ASAH2B: variants seen among roughly 807,000 people sequenced by gnomAD.
The protein encoded by ASAH2B is N-acylsphingosine amidohydrolase 2B.
A neutral mutation model predicts 2.9 loss-of-function variants in ASAH2B; 1 was observed. That is an observed-to-expected ratio of 0.34 (90% CI 0.12 to 1.63). The LOEUF is 1.63. Among genes scored for constraint, ASAH2B ranks in the 40% most tolerant of loss-of-function variants. The probability of loss-of-function intolerance (pLI) is 0.36; values close to 1 mark genes in which losing one functional copy is unlikely to be tolerated. For missense variants in ASAH2B, 9 were observed against 37.7 expected, an observed-to-expected ratio of 0.24 and a Z score of 1.99; for synonymous variants, 4 against 13.3, an observed-to-expected ratio of 0.30 and a Z score of 1.52.
At position 50,758,023 on chromosome 10, in the gene ASAH2B, C is replaced by A. The variant is rs1837129843; in HGVS notation, c.*3283C>A. 2 of 151,174 alleles carry A rather than the reference C, an allele frequency of 1.3e-5. No individual in the cohort carries two copies. The highest frequency in any genetic ancestry group is 4.9e-5 in the African/African-American group (2 of 41,090). The allele number at this position is 151,174 out of a possible 1,614,324, so 9.4% of individuals were successfully genotyped here. A position where few individuals can be genotyped will look rare whatever the true frequency, so the allele number is the denominator to read the frequency against. On this transcript the variant is annotated 3_prime_UTR_variant, in exon 6 of 6. Coordinates refer to ENST00000647317, the MANE Select transcript of ASAH2B (RefSeq NM_001321958.2). ...GGCAGCAAAATGGGAGGAGAGAGTT[C>A]TCTTTATAATCCCCTTTTAGAAGGT...
chr10:50,747,079 A>G (rs1307776959), intron 3 of ASAH2B, among the ~76,000 whole-genome samples: 44 of 150,168 alleles, frequency 2.9e-4, no homozygotes, highest in Non-Finnish European at 4.4e-4. Flanking sequence ...AACAAACATC[A>G]CCTACACCAA....
chr10:50,743,786 C>G (rs1839868480), intron 2 of ASAH2B: 1 of 150,066 alleles, frequency 6.7e-6, no homozygotes, highest in Admixed American at 6.6e-5. Flanking sequence ...ATAAGCAGCC[C>G]CTTATATAAT....
At chr10:50,744,808 TAGG>T in intron 2 of ASAH2B, 1 of 361,006 alleles carries the variant, frequency 2.8e-6, no homozygotes, top group Non-Finnish European at 5.1e-6. Flanking sequence ...TTTTGCATGT[TAGG>T]CCCCTGTACA....
rs1837099765 is a variant in ASAH2B, at chr10:50,756,713, C to T, written c.*1973C>T. On this transcript the variant is annotated 3_prime_UTR_variant, in exon 6 of 6. Transcript: ENST00000647317. ...AACGCACAGAAACCTATTTTCTCACCAGCTGTCATTTCTTCTAGGGCATGC... is the reference window on the plus strand; with the variant it reads ...AACGCACAGAAACCTATTTTCTCACTAGCTGTCATTTCTTCTAGGGCATGC... 1 of 151,994 alleles carries T rather than the reference C, an allele frequency of 6.6e-6. No homozygotes were observed. The highest frequency in any genetic ancestry group is 1.5e-5 in the Non-Finnish European group (1 of 67,904). The allele number at this position is 151,994 out of a possible 1,614,324, so 9.4% of individuals were successfully genotyped here. A position where few individuals can be genotyped will look rare whatever the true frequency, so the allele number is the denominator to read the frequency against.
intron 3 of ASAH2B, among the ~76,000 whole-genome samples, chr10:50,747,576 TTC>T (rs1276528108): frequency 1.3e-5 from 2 of 151,598 alleles, no homozygotes; most frequent in Non-Finnish European, 2.9e-5. Context: ...TTTTTGTAGA[TTC>T]TCTTTTTCAT....
At chr10:50,747,552 GT>G (rs1564471378) in intron 3 of ASAH2B, among the ~76,000 whole-genome samples, 1 of 151,376 alleles carries the variant, frequency 6.6e-6, no homozygotes, top group Non-Finnish European at 1.5e-5. Flanking sequence ...TTAGTATGAT[GT>G]TTTCTTTAGG....
At chr10:50,743,904 G>C (rs990449982) in intron 2 of ASAH2B, among the ~76,000 whole-genome samples, 7 of 151,422 alleles carry the variant, frequency 4.6e-5, no homozygotes, top group African/African-American at 1.5e-4. Context: ...AAATGAAATG[G>C]TTGTCTCTGT....
chr10:50,747,437 G>A (rs1487784327), intron 3 of ASAH2B, among the ~76,000 whole-genome samples: 1 of 150,692 alleles, frequency 6.6e-6, no homozygotes, highest in African/African-American at 2.4e-5. Flanking sequence ...CTTCATCTTT[G>A]TTTTTTTTGC....
At chr10:50,742,822 A>G in intron 1 of ASAH2B, 93 bp from the exon 2 acceptor site, 1 of 1,213,910 alleles carries the variant, frequency 8.2e-7, no homozygotes. Context: ...ATAATGTGAG[A>G]TGTCAAGCAT....
chr10:50,751,567 G>T (rs1839979070), intron 4 of ASAH2B, among the ~76,000 whole-genome samples: 1 of 151,522 alleles, frequency 6.6e-6, no homozygotes, highest in Non-Finnish European at 1.5e-5. Context: ...CTATGGTTAT[G>T]AAAACTTCCT....
Position 50,745,280 on chromosome 10 carries a change from A to G in ASAH2B, c.144+6A>G. On this transcript the variant is annotated splice_donor_region_variant and intron_variant, in intron 3 of 5. Coordinates refer to ENST00000647317, the MANE Select transcript of ASAH2B (RefSeq NM_001321958.2). ...CAAAACCTGAATACAGAGTGGTAAG[A>G]CTCATGAGCAGACCTTGGAATCCTT... The G allele has an allele frequency of 2.0e-6, 1 of 503,780 alleles. No individual in the cohort carries two copies. The highest frequency in any genetic ancestry group is 3.4e-6 in the Non-Finnish European group (1 of 297,254). The allele number at this position is 503,780 out of a possible 1,614,324, so 31.2% of individuals were successfully genotyped here.
rs1272739974 is a variant in ASAH2B, at chr10:50,757,358, C to T, written c.*2618C>T. The T allele has an allele frequency of 6.6e-6, 1 of 151,806 alleles. No homozygotes were observed. Among genetic ancestry groups the T allele is most frequent in the Non-Finnish European group, 1.5e-5 (1 of 67,786 alleles). The allele number at this position is 151,806 out of a possible 1,614,324, so 9.4% of individuals were successfully genotyped here. A position where few individuals can be genotyped will look rare whatever the true frequency, so the allele number is the denominator to read the frequency against. ...TTCTTTATCAGTTCCTTTCTAACTTCTGAAGATGTACTGCTGGTAAAGCAC... is the reference window on the plus strand; with the variant it reads ...TTCTTTATCAGTTCCTTTCTAACTTTTGAAGATGTACTGCTGGTAAAGCAC... On this transcript the variant is annotated 3_prime_UTR_variant, in exon 6 of 6. Coordinates refer to ENST00000647317, the MANE Select transcript of ASAH2B (RefSeq NM_001321958.2).
intron 1 of ASAH2B, among the ~76,000 whole-genome samples, chr10:50,742,273 T>A (rs2132718588): frequency 6.6e-6 from 1 of 152,168 alleles, no homozygotes; most frequent in African/African-American, 2.4e-5. Context: ...ACTGATAGGA[T>A]ACAGGATGAG....
intron 1 of ASAH2B, among the ~76,000 whole-genome samples, chr10:50,740,189 C>A (rs1462062050): frequency 6.6e-6 from 1 of 151,962 alleles, no homozygotes; most frequent in Non-Finnish European, 1.5e-5. Context: ...GAGAGCCTGA[C>A]GGGGAGGGAA....
chr10:50,740,012 A>C (rs1839803792), intron 1 of ASAH2B, 29 bp downstream of exon 1: 1 of 161,640 alleles, frequency 6.2e-6, no homozygotes, highest in South Asian at 2.1e-4. Flanking sequence ...GGTAGGCGGC[A>C]GTGGGGTCCC....
intron 3 of ASAH2B, among the ~76,000 whole-genome samples, chr10:50,746,334 A>C (rs915460296): frequency 5.9e-5 from 9 of 151,538 alleles, no homozygotes; most frequent in African/African-American, 1.7e-4. Flanking sequence ...TAAGGATCTC[A>C]TTCTTATTTA....
chr10:50,748,583 T>C (rs993848393), intron 3 of ASAH2B, among the ~76,000 whole-genome samples: 3 of 151,368 alleles, frequency 2.0e-5, no homozygotes, highest in South Asian at 4.1e-4. Context: ...AGTTCCCTTA[T>C]ATGCATGCAA....
chr10:50,741,615 G>A (rs1839832434), intron 1 of ASAH2B, among the ~76,000 whole-genome samples: 2 of 152,150 alleles, frequency 1.3e-5, no homozygotes, highest in African/African-American at 4.8e-5. Context: ...TAGAAGAAAC[G>A]ATATATGCAA....
chr10:50,757,220 C>T lies in ASAH2B; in HGVS notation c.*2480C>T, dbSNP rs1331900756. ...TCTAATGAAAGGTAATGTAGACAAA[C>T]GAACACTTTTTTAAAAAAAGAGGTG... On this transcript the variant is annotated 3_prime_UTR_variant, in exon 6 of 6. Coordinates refer to ENST00000647317, the MANE Select transcript of ASAH2B (RefSeq NM_001321958.2). 20 of 151,028 alleles carry T rather than the reference C, an allele frequency of 1.3e-4. No individual in the cohort carries two copies. Among genetic ancestry groups the T allele is most frequent in the African/African-American group, 2.2e-4 (9 of 41,270 alleles). The allele number at this position is 151,028 out of a possible 1,614,324, so 9.4% of individuals were successfully genotyped here.
Sources: allele counts gnomAD v4.1 joint callset (sites outside exome capture counted in the v4.1 genomes callset), GRCh38; gene constraint gnomAD v4.1.1; transcripts MANE v1.5; gene names NCBI Gene and HGNC (gene_info 2026-07-23, HGNC 2026-07-21).